The following UBN1 variants were observed in gnomAD, a reference collection of about 807,000 sequenced individuals.
The protein encoded by UBN1 is ubinuclein-1.
In UBN1, 17 loss-of-function variants were observed where a neutral mutation model predicts 108.5. The ratio of observed to expected loss-of-function variants is 0.16; its 90% CI spans 0.11 to 0.24. UBN1 has a LOEUF of 0.24. Among genes scored for constraint, UBN1 ranks in the 10% least tolerant of loss-of-function variants. The pLI, the probability that UBN1 is intolerant of heterozygous loss-of-function variation, is 1.00. For missense variants in UBN1, 1,595 were observed against 1,394.4 expected, an observed-to-expected ratio of 1.14 and a Z score of -2.29; for synonymous variants, 726 against 564.2, an observed-to-expected ratio of 1.29 and a Z score of -4.07.
At position 4,870,318 on chromosome 16, in the gene UBN1, C is replaced by T. The variant is rs758280599; in HGVS notation, c.1288C>T (p.Arg430Trp). The change falls in exon 9 of 18, where the codon CGG becomes TGG. Residue 430 changes from arginine (R) to tryptophan (W), a missense_variant. Transcript: ENST00000262376. ...CSKDALLKRA[R>W]KLHLYEQGGR... is the part of the protein sequence containing the mutation. The stretch of plus-strand genomic sequence containing the variant: ...CAAGGATGCCCTGCTCAAGCGTGCT[C>T]GGAAACTTCACCTCTATGAACAGGT... The T allele has an allele frequency of 6.8e-6, 11 of 1,614,038 alleles. No individual in the cohort carries two copies. Among genetic ancestry groups the T allele is most frequent in the Admixed American group, 3.3e-5 (2 of 60,008 alleles).
chr16:4,860,889 C>A lies in UBN1; in HGVS notation c.897C>A (p.Asn299Lys), dbSNP rs753981977. Residue 299 changes from asparagine to lysine, a missense_variant, in exon 7 of 18, where the codon AAC (asparagine) becomes AAA (lysine). By Grantham distance (94) the Asn-to-Lys change is moderately conservative. Coordinates refer to ENST00000262376, the MANE Select transcript of UBN1 (RefSeq NM_001079514.3). Reference sequence around the variant, plus strand: ...CACTCTTTGGCTCTACTTCTGACAACGACTTGCTCCAGGCGGCCACTGCCA... The same window carrying A: ...CACTCTTTGGCTCTACTTCTGACAAAGACTTGCTCCAGGCGGCCACTGCCA... ...LLSLFGSTSD[N>K]DLLQAATAMD... The A allele has an allele frequency of 6.2e-7, 1 of 1,614,160 alleles. No individual in the cohort carries two copies. Among genetic ancestry groups the A allele is most frequent in the African/African-American group, 1.3e-5 (1 of 74,954 alleles).
chr16:4,851,942 T>C (rs2086578428), intron 1 of UBN1, among the ~76,000 whole-genome samples: 1 of 152,252 alleles, frequency 6.6e-6, no homozygotes, highest in South Asian at 2.1e-4. Context: ...TGTATATCTA[T>C]AATGTATAAT....
chr16:4,880,025 T>G (rs1257628670), intron 17 of UBN1, 58 bp from the exon 18 acceptor site: 1 of 1,598,196 alleles, frequency 6.3e-7, no homozygotes, highest in African/African-American at 1.3e-5. Flanking sequence ...TACTACTGCC[T>G]TAAGGAAATC....
chr16:4,851,550 G>A (rs773983283), intron 1 of UBN1, among the ~76,000 whole-genome samples: 19 of 152,176 alleles, frequency 1.2e-4, no homozygotes, highest in Non-Finnish European at 2.1e-4. Context: ...AAGGAAAAGA[G>A]CCTAGTTTTA....
At chr16:4,869,608 T>TG (rs1214248471) in intron 8 of UBN1, among the ~76,000 whole-genome samples, 1 of 152,196 alleles carries the variant, frequency 6.6e-6, no homozygotes, top group East Asian at 1.9e-4. Flanking sequence ...TGGCCTCGCC[T>TG]GGCCGGGACC....
At chr16:4,872,634 A>G (rs527738576) in intron 12 of UBN1, among the ~76,000 whole-genome samples, 2 of 152,140 alleles carry the variant, frequency 1.3e-5, no homozygotes, top group Admixed American at 1.3e-4. Flanking sequence ...ACGCCTGGCT[A>G]ATTTTAGTAT....
intron 4 of UBN1, 49 bp from the exon 5 acceptor site, chr16:4,858,976 G>A (rs1472004036): frequency 8.7e-6 from 14 of 1,601,546 alleles, no homozygotes; most frequent in South Asian, 2.3e-5. Flanking sequence ...TTGCACCTTC[G>A]GACTGCAGAA....
intron 7 of UBN1, among the ~76,000 whole-genome samples, chr16:4,867,670 G>C (rs1051155036): frequency 6.6e-6 from 1 of 152,084 alleles, no homozygotes; most frequent in Admixed American, 6.6e-5. Context: ...AGAATCCTGG[G>C]GTCCGCCTAT....
At chr16:4,867,544 G>C (rs2087396161) in intron 7 of UBN1, among the ~76,000 whole-genome samples, 1 of 152,170 alleles carries the variant, frequency 6.6e-6, no homozygotes, top group South Asian at 2.1e-4. Context: ...GGAAATTCTG[G>C]TCCAGAGCTT....
intron 7 of UBN1, among the ~76,000 whole-genome samples, chr16:4,862,864 G>C (rs2087134470): frequency 6.6e-6 from 1 of 152,250 alleles, no homozygotes; most frequent in Admixed American, 6.5e-5. Context: ...TGATTGCCAA[G>C]TGTCAGTTAG....
intron 17 of UBN1, among the ~76,000 whole-genome samples, chr16:4,878,452 C>T (rs2087981254): frequency 6.6e-6 from 1 of 152,158 alleles, no homozygotes; most frequent in Admixed American, 6.5e-5. Context: ...GCTGTGGCTC[C>T]CTGGCACCAT....
At chr16:4,872,819 G>C in intron 12 of UBN1, 65 bp from the exon 13 acceptor site, 4 of 1,595,418 alleles carry the variant, frequency 2.5e-6, no homozygotes, top group Non-Finnish European at 3.4e-6. Context: ...CACTAGCAAA[G>C]TTCTGGAAGC....
chr16:4,871,025 G>C, intron 11 of UBN1, 53 bp downstream of exon 11: 1 of 1,609,662 alleles, frequency 6.2e-7, no homozygotes, highest in Non-Finnish European at 8.5e-7. Context: ...GGCAGTGTCT[G>C]AGCACGTCCC....
intron 1 of UBN1, among the ~76,000 whole-genome samples, chr16:4,852,011 ACCATTC>A (rs1389522967): frequency 6.6e-6 from 1 of 152,166 alleles, no homozygotes; most frequent in African/African-American, 2.4e-5. Flanking sequence ...AATTTATTCA[ACCATTC>A]CCTGATTGAT....
chr16:4,856,912 A>G (rs2086838396), intron 2 of UBN1, among the ~76,000 whole-genome samples: 1 of 152,234 alleles, frequency 6.6e-6, no homozygotes, highest in Non-Finnish European at 1.5e-5. Context: ...GATCCTTTGC[A>G]GGTGGTATTT....
chr16:4,859,889 G>C lies in UBN1; in HGVS notation c.592G>C (p.Glu198Gln). 6.2e-7 allele frequency: 1 copy of C among 1,614,150 alleles called. No homozygotes were observed. Among genetic ancestry groups the C allele is most frequent in the African/African-American group, 1.3e-5 (1 of 75,056 alleles). ...PKKRKLKEGG[E>Q]KIKKKKKDDT... is the part of the protein sequence containing the mutation. ...GAAGCGGAAGTTGAAGGAAGGTGGT[G>C]AGAAGATAAAGAAGAAGAAAAAAGA... Residue 198 changes from glutamate (E) to glutamine (Q), a missense_variant, in exon 6 of 18, where the codon GAG (glutamate) becomes CAG (glutamine). Glu to Gln is a conservative substitution (Grantham distance 29). Coordinates refer to ENST00000262376, the MANE Select transcript of UBN1 (RefSeq NM_001079514.3).
At chr16:4,865,988 A>G (rs1193544148) in intron 7 of UBN1, among the ~76,000 whole-genome samples, 1 of 152,162 alleles carries the variant, frequency 6.6e-6, no homozygotes, top group Non-Finnish European at 1.5e-5. Flanking sequence ...TAAAAAAATA[A>G]AAAATAATAA....
chr16:4,851,281 A>G (rs1424357474), intron 1 of UBN1, among the ~76,000 whole-genome samples: 1 of 152,194 alleles, frequency 6.6e-6, no homozygotes, highest in Non-Finnish European at 1.5e-5. Context: ...TCTGGGCAAC[A>G]TGGCAAAACA....
At chr16:4,861,219 T>C in intron 7 of UBN1, 117 bp downstream of exon 7, 7 of 1,202,762 alleles carry the variant, frequency 5.8e-6, no homozygotes, top group Non-Finnish European at 7.9e-6. Context: ...AGTTAAGGTG[T>C]CAGCTTTTTC....
Sources: allele counts gnomAD v4.1 joint callset (sites outside exome capture counted in the v4.1 genomes callset), GRCh38; gene constraint gnomAD v4.1.1; transcripts MANE v1.5; gene names NCBI Gene and HGNC (gene_info 2026-07-23, HGNC 2026-07-21).